The following CLSTN2 variants were observed in gnomAD, a reference collection of about 807,000 sequenced individuals.
CLSTN2 encodes calsyntenin-2.
In CLSTN2, 48 loss-of-function variants were observed where a neutral mutation model predicts 101.2. That is an observed-to-expected ratio of 0.47 (90% CI 0.38 to 0.60). The LOEUF is 0.60. Among genes scored for constraint, CLSTN2 ranks in the 20% least tolerant of loss-of-function variants. The pLI is 0.00. For missense variants in CLSTN2, 1,160 were observed against 1,238.2 expected (o/e 0.94, Z 0.95); for synonymous variants, 481 against 463.6 (o/e 1.04, Z -0.48).
intron 2 of CLSTN2, among the ~76,000 whole-genome samples, chr3:140,294,432 C>G (rs1435395306): frequency 6.6e-6 from 1 of 152,196 alleles, no homozygotes; most frequent in South Asian, 2.1e-4. Flanking sequence ...GCAGATGTCA[C>G]CTCCACCATT....
chr3:140,079,793 TGAGAAG>T (rs1035587136), intron 1 of CLSTN2, among the ~76,000 whole-genome samples: 17 of 148,868 alleles, frequency 1.1e-4, no homozygotes, highest in African/African-American at 2.8e-4. Flanking sequence ...CTAGGGTGGA[TGAGAAG>T]GAGAAATAAG....
intron 1 of CLSTN2, among the ~76,000 whole-genome samples, chr3:140,155,528 A>G (rs528484790): frequency 6.6e-6 from 1 of 152,306 alleles, no homozygotes. Flanking sequence ...AATAAGTTAT[A>G]TCTGGTCAGG....
intron 8 of CLSTN2, among the ~76,000 whole-genome samples, chr3:140,511,716 A>ATTTTTT (rs34793896): frequency 3.5e-5 from 5 of 142,390 alleles, no homozygotes; most frequent in Non-Finnish European, 7.7e-5. Context: ...CACCTGGCTA[A>ATTTTTT]TTTTTTTTTT....
chr3:140,288,914 T>G (rs987844982), intron 2 of CLSTN2, among the ~76,000 whole-genome samples: 7 of 150,212 alleles, frequency 4.7e-5, no homozygotes, highest in Non-Finnish European at 1.5e-5. Flanking sequence ...CAGTTGCCTC[T>G]TCTGGGCAGC....
intron 1 of CLSTN2, among the ~76,000 whole-genome samples, chr3:140,086,259 T>C (rs2008679143): frequency 6.6e-6 from 1 of 152,214 alleles, no homozygotes; most frequent in Non-Finnish European, 1.5e-5. Flanking sequence ...TGGTTAGCAA[T>C]GTCTGCTATG....
chr3:140,058,610 T>G (rs990616230), intron 1 of CLSTN2, among the ~76,000 whole-genome samples: 4 of 152,156 alleles, frequency 2.6e-5, no homozygotes, highest in Admixed American at 6.5e-5. Flanking sequence ...TGTCATCTAT[T>G]CAAAAGGGCC....
At chr3:140,138,674 A>G (rs974744051) in intron 1 of CLSTN2, among the ~76,000 whole-genome samples, 2 of 152,064 alleles carry the variant, frequency 1.3e-5, no homozygotes, top group African/African-American at 2.4e-5. Flanking sequence ...GCTTTGAGCT[A>G]TTTTTCATGC....
At chr3:140,084,125 G>A (rs770541848) in intron 1 of CLSTN2, among the ~76,000 whole-genome samples, 4 of 152,128 alleles carry the variant, frequency 2.6e-5, no homozygotes, top group Admixed American at 2.0e-4. Flanking sequence ...GTCACATCCC[G>A]ATGAATCAGC....
chr3:139,962,057 A>G (rs1284486568), intron 1 of CLSTN2, among the ~76,000 whole-genome samples: 1 of 152,102 alleles, frequency 6.6e-6, no homozygotes, highest in Non-Finnish European at 1.5e-5. Flanking sequence ...GGTCAGATAT[A>G]TTAGTGGTTT....
intron 2 of CLSTN2, among the ~76,000 whole-genome samples, chr3:140,353,128 C>A (rs1277367042): frequency 6.6e-6 from 1 of 151,606 alleles, no homozygotes; most frequent in Non-Finnish European, 1.5e-5. Flanking sequence ...AGGTTATATG[C>A]AAATACTATG....
In CLSTN2 at chr3:140,532,487, G is replaced by A. The variant is rs1379744235; in HGVS notation, c.1507+1G>A. The A allele has an allele frequency of 6.2e-7, 1 of 1,610,866 alleles. No homozygotes were observed. The highest frequency in any genetic ancestry group is 1.7e-5 in the Admixed American group (1 of 59,780). On this transcript the variant is annotated splice_donor_variant, in intron 9 of 16. Coordinates refer to ENST00000458420, the MANE Select transcript of CLSTN2 (RefSeq NM_022131.3). LOFTEE classifies it high-confidence loss of function. ...CTCACAGTCGGCGCTTGTTGGCAAG[G>A]TAATCCTAAGTGAAACCCTTTTCTC...
chr3:140,249,619 A>G (rs1297027765), intron 2 of CLSTN2, among the ~76,000 whole-genome samples: 1 of 152,214 alleles, frequency 6.6e-6, no homozygotes, highest in Non-Finnish European at 1.5e-5. Context: ...TGGCATTATT[A>G]TCTCCATTTT....
At chr3:139,975,500 A>T (rs1185763756) in intron 1 of CLSTN2, among the ~76,000 whole-genome samples, 1 of 152,194 alleles carries the variant, frequency 6.6e-6, no homozygotes, top group African/African-American at 2.4e-5. Context: ...GGATTATGAG[A>T]AGTCATTCAA....
At chr3:140,481,060 G>A (rs77284699) in intron 8 of CLSTN2, among the ~76,000 whole-genome samples, 37,066 of 152,062 alleles carry the variant, frequency 0.24, 4,662 homozygotes, top group African/African-American at 0.31. Context: ...TGTTTTGTTC[G>A]AGGGTTTTTA....
At chr3:139,981,073 G>A (rs900424249) in intron 1 of CLSTN2, among the ~76,000 whole-genome samples, 3 of 152,062 alleles carry the variant, frequency 2.0e-5, no homozygotes, top group Non-Finnish European at 4.4e-5. Flanking sequence ...GGCAATCAAA[G>A]CTATCTTGCC....
At chr3:140,238,402 C>A (rs7643993) in intron 2 of CLSTN2, among the ~76,000 whole-genome samples, 29 of 86,924 alleles carry the variant, frequency 3.3e-4, no homozygotes, top group African/African-American at 1.2e-3. Context: ...ATTTTAGGAA[C>A]ATTCCTGCAC....
chr3:140,145,522 A>G (rs1351011400), intron 1 of CLSTN2, among the ~76,000 whole-genome samples: 1 of 152,244 alleles, frequency 6.6e-6, no homozygotes, highest in Non-Finnish European at 1.5e-5. Flanking sequence ...TGGAATAAGA[A>G]GATTCCCAAG....
At chr3:139,950,611 A>T (rs1278606469) in intron 1 of CLSTN2, among the ~76,000 whole-genome samples, 1 of 152,262 alleles carries the variant, frequency 6.6e-6, no homozygotes, top group African/African-American at 2.4e-5. Flanking sequence ...TTTCAACCGT[A>T]TCAGAACCAA....
intron 1 of CLSTN2, among the ~76,000 whole-genome samples, chr3:140,032,428 G>A (rs377316190): frequency 2.5e-4 from 37 of 148,148 alleles, no homozygotes; most frequent in Non-Finnish European, 4.3e-4. Flanking sequence ...CTCCACCCCC[G>A]GGTTCAAGCG....
Sources: gnomAD v4.1 joint callset for allele counts (sites outside exome capture counted in the v4.1 genomes callset) on GRCh38, gnomAD v4.1.1 for gene constraint, MANE v1.5 for transcripts, NCBI Gene and HGNC (gene_info 2026-07-23, HGNC 2026-07-21) for gene names.